The following GFRAL variants were observed in gnomAD, a reference collection of about 807,000 sequenced individuals.
The protein encoded by GFRAL is GDNF family receptor alpha like.
In GFRAL, 36 loss-of-function variants were observed where a neutral mutation model predicts 45.4. That is an observed-to-expected ratio of 0.79 (90% confidence interval 0.61 to 1.05). The LOEUF (loss-of-function observed/expected upper bound fraction) is 1.05, where lower values mean the gene tolerates loss of function less well. Ranked by LOEUF, GFRAL falls within the 50% of genes least tolerant of loss-of-function variation. The probability of loss-of-function intolerance (pLI) is 0.00; values close to 1 mark genes in which losing one functional copy is unlikely to be tolerated. For synonymous variants in GFRAL, 166 were observed against 154.1 expected, an observed-to-expected ratio of 1.08 and a Z score of -0.57; for missense variants, 507 against 467.5, an observed-to-expected ratio of 1.08 and a Z score of -0.78.
chr6:55,397,997 T>C (rs915643875), intron 6 of GFRAL, among the ~76,000 whole-genome samples: 5 of 152,206 alleles, frequency 3.3e-5, no homozygotes, highest in African/African-American at 9.6e-5. Flanking sequence ...TGCATGTTTG[T>C]AACCTAAAAA....
intron 6 of GFRAL, among the ~76,000 whole-genome samples, chr6:55,373,334 G>A (rs957430030): frequency 2.0e-5 from 3 of 151,978 alleles, no homozygotes; most frequent in Admixed American, 6.6e-5. Context: ...CACCCTCCTC[G>A]GGGAACATGG....
chr6:55,338,087 TTTA>T (rs200170695), intron 3 of GFRAL, among the ~76,000 whole-genome samples: 1,944 of 152,128 alleles, frequency 0.013, 22 homozygotes, highest in Non-Finnish European at 0.022. Flanking sequence ...TATGATTTAT[TTTA>T]TTATTATTAT....
At chr6:55,360,260 C>T (rs6933713) in intron 6 of GFRAL, among the ~76,000 whole-genome samples, 24,718 of 151,776 alleles carry the variant, frequency 0.16, 2,322 homozygotes, top group African/African-American at 0.25. Context: ...CAGGCCCCTA[C>T]CCCTAGATCC....
intron 5 of GFRAL, among the ~76,000 whole-genome samples, chr6:55,355,324 G>GC (rs1271238110): frequency 6.6e-6 from 1 of 151,664 alleles, no homozygotes; most frequent in Non-Finnish European, 1.5e-5. Context: ...TGCACGTTCT[G>GC]CACATCTATC....
chr6:55,355,810 GA>G (rs1768183095), intron 5 of GFRAL, among the ~76,000 whole-genome samples: 1 of 151,644 alleles, frequency 6.6e-6, no homozygotes. Flanking sequence ...GATCATAGAG[GA>G]AAAGCTTTCA....
At chr6:55,364,879 T>C (rs1444026372) in intron 6 of GFRAL, among the ~76,000 whole-genome samples, 1 of 152,192 alleles carries the variant, frequency 6.6e-6, no homozygotes, top group Non-Finnish European at 1.5e-5. Flanking sequence ...GCGAGATGCC[T>C]CCAGCTTTGT....
chr6:55,359,721 T>C (rs1456208141), intron 6 of GFRAL, among the ~76,000 whole-genome samples: 2 of 151,970 alleles, frequency 1.3e-5, no homozygotes, highest in South Asian at 2.1e-4. Context: ...CCAAAAACTC[T>C]TATGTGGAAG....
intron 1 of GFRAL, among the ~76,000 whole-genome samples, chr6:55,328,288 G>A (rs1054997542): frequency 2.0e-5 from 3 of 151,890 alleles, no homozygotes; most frequent in Non-Finnish European, 4.4e-5. Flanking sequence ...GCATTTGGTA[G>A]AATCTATAAA....
chr6:55,367,462 G>A (rs2127359683), intron 6 of GFRAL, among the ~76,000 whole-genome samples: 1 of 145,494 alleles, frequency 6.9e-6, no homozygotes, highest in African/African-American at 2.7e-5. Context: ...ATATTGTTAT[G>A]TGTGAATTTG....
chr6:55,349,223 A>G (rs1214321031), intron 3 of GFRAL, among the ~76,000 whole-genome samples: 2 of 152,144 alleles, frequency 1.3e-5, no homozygotes, highest in African/African-American at 4.8e-5. Context: ...TGATAGTACC[A>G]TCTTATATGT....
intron 2 of GFRAL, 36 bp from the exon 3 acceptor site, chr6:55,333,750 G>T: frequency 7.1e-7 from 1 of 1,409,708 alleles, no homozygotes. Context: ...ATTATAATCA[G>T]ATTAATATCT....
At chr6:55,362,565 C>A (rs1768290553) in intron 6 of GFRAL, among the ~76,000 whole-genome samples, 1 of 151,882 alleles carries the variant, frequency 6.6e-6, no homozygotes, top group Admixed American at 6.6e-5. Context: ...AAATTTGTGG[C>A]CCTTAGAGCT....
At chr6:55,355,245 G>A (rs1768174254) in intron 5 of GFRAL, among the ~76,000 whole-genome samples, 1 of 151,646 alleles carries the variant, frequency 6.6e-6, no homozygotes, top group African/African-American at 2.4e-5. Flanking sequence ...GGCGAGGGGA[G>A]GGAACTTAGA....
intron 6 of GFRAL, among the ~76,000 whole-genome samples, chr6:55,363,766 C>T (rs1331022599): frequency 2.0e-5 from 3 of 151,698 alleles, no homozygotes; most frequent in Non-Finnish European, 2.9e-5. Context: ...AGGACATGAA[C>T]TCATCCTTTT....
At chr6:55,362,775 A>G (rs560124254) in intron 6 of GFRAL, among the ~76,000 whole-genome samples, 1 of 152,118 alleles carries the variant, frequency 6.6e-6, no homozygotes, top group African/African-American at 2.4e-5. Flanking sequence ...TATATAGTCA[A>G]CTAAAAGAGA....
intron 5 of GFRAL, among the ~76,000 whole-genome samples, chr6:55,358,626 A>G (rs77341709): frequency 0.05 from 7,643 of 152,054 alleles, 290 homozygotes; most frequent in African/African-American, 0.095. Context: ...TAAAATTAGT[A>G]ATAAAGGAAA....
At chr6:55,390,707 G>A (rs1768737418) in intron 6 of GFRAL, among the ~76,000 whole-genome samples, 1 of 151,942 alleles carries the variant, frequency 6.6e-6, no homozygotes, top group Non-Finnish European at 1.5e-5. Flanking sequence ...GACCAACATG[G>A]TGAAACCCCG....
At chr6:55,333,284 A>G (rs1767853205) in intron 2 of GFRAL, among the ~76,000 whole-genome samples, 2 of 152,168 alleles carry the variant, frequency 1.3e-5, no homozygotes, top group Admixed American at 6.5e-5. Flanking sequence ...TAGAAAATGA[A>G]ATATTGGTAA....
intron 3 of GFRAL, among the ~76,000 whole-genome samples, chr6:55,349,202 T>A (rs548142903): frequency 1.3e-5 from 2 of 152,160 alleles, no homozygotes; most frequent in East Asian, 3.9e-4. Flanking sequence ...GGGGTAGAAG[T>A]AAGTTTCCTG....
Sources: allele counts gnomAD v4.1 joint callset (sites outside exome capture counted in the v4.1 genomes callset), GRCh38; gene constraint gnomAD v4.1.1; transcripts MANE v1.5; gene names NCBI Gene and HGNC (gene_info 2026-07-23, HGNC 2026-07-21).